Variants in PRKG1 observed in about 807,000 individuals in gnomAD.
PRKG1 encodes the protein cGMP-dependent protein kinase 1.
PRKG1 carries 35 observed loss-of-function variants against 88.1 expected under a neutral mutation model. That is an observed-to-expected ratio of 0.40 (90% CI 0.30 to 0.53). The LOEUF (loss-of-function observed/expected upper bound fraction) is 0.53, where lower values mean the gene tolerates loss of function less well. Among genes scored for constraint, PRKG1 ranks in the 20% least tolerant of loss-of-function variants. The pLI is 0.59. For missense variants in PRKG1, 540 were observed against 839.8 expected, an observed-to-expected ratio of 0.64 and a Z score of 4.41; for synonymous variants, 303 against 292.5, an observed-to-expected ratio of 1.04 and a Z score of -0.37.
chr10:51,887,460 G>A (rs1841600475), intron 4 of PRKG1, among the ~76,000 whole-genome samples: 1 of 130,414 alleles, frequency 7.7e-6, no homozygotes, highest in African/African-American at 2.8e-5. Context: ...TCATACAGTA[G>A]TTCTATTTTA....
rs1185249866 is a variant in PRKG1 at position 51,589,429 on chromosome 10, A to C, written c.592+121593A>C. 1.3e-4 allele frequency among the ~76,000 whole-genome samples: 20 copies of C among 152,068 alleles called. 1 individual carries two copies. The highest frequency in any genetic ancestry group is 1.3e-3 in the Admixed American group (20 of 15,272). ...ACCTGAGGTCAGGTTTTTGAGACCA[A>C]CCTAGCCAATATCATGAAACCCCGT... is the stretch of plus-strand genomic sequence containing the variant. On this transcript the variant is annotated intron_variant, in intron 3 of 17. Coordinates refer to ENST00000373980, the MANE Select transcript of PRKG1 (RefSeq NM_006258.4).
intron 2 of PRKG1, among the ~76,000 whole-genome samples, chr10:51,234,807 A>G (rs753478820): frequency 6.6e-6 from 1 of 152,210 alleles, no homozygotes; most frequent in African/African-American, 2.4e-5. Flanking sequence ...AAGAAAAAAA[A>G]TAAAAATATT....
At chr10:51,120,640 T>G (rs929229180) in intron 1 of PRKG1, among the ~76,000 whole-genome samples, 1 of 152,182 alleles carries the variant, frequency 6.6e-6, no homozygotes, top group Non-Finnish European at 1.5e-5. Flanking sequence ...TATAATGGAC[T>G]TGGTATACTT....
At chr10:52,273,241 T>G (rs1316679765) in intron 12 of PRKG1, among the ~76,000 whole-genome samples, 1 of 152,108 alleles carries the variant, frequency 6.6e-6, no homozygotes, top group Admixed American at 6.6e-5. Context: ...ATCTACCCTG[T>G]GTTTTTTTAA....
intron 2 of PRKG1, among the ~76,000 whole-genome samples, chr10:51,234,807 A>T (rs753478820): frequency 3.9e-5 from 6 of 152,210 alleles, no homozygotes; most frequent in Non-Finnish European, 7.3e-5. Flanking sequence ...AAGAAAAAAA[A>T]TAAAAATATT....
chr10:51,887,985 A>G lies in PRKG1; in HGVS notation c.699-19522A>G, dbSNP rs558344501. ...ACATAGTACCTACAGTTAATAATAC[A>G]GTATTGTGTTTATTAAAATATAAGA... On this transcript the variant is annotated intron_variant, in intron 4 of 17. Transcript: ENST00000373980. 2.6e-5 allele frequency among the ~76,000 whole-genome samples: 4 copies of G among 152,354 alleles called. No individual in the cohort carries two copies. In the South Asian group the frequency reaches 8.3e-4, roughly 32 times the overall value.
intron 1 of PRKG1, among the ~76,000 whole-genome samples, chr10:51,136,682 C>G (rs1340033607): frequency 6.6e-6 from 1 of 151,740 alleles, no homozygotes; most frequent in Non-Finnish European, 1.5e-5. Flanking sequence ...AAGCAAAGTC[C>G]TAGTAAGCTC....
intron 5 of PRKG1, among the ~76,000 whole-genome samples, chr10:51,994,566 C>T (rs1844389806): frequency 1.3e-5 from 2 of 152,150 alleles, no homozygotes; most frequent in African/African-American, 2.4e-5. Context: ...GCTGGTAGCT[C>T]AGGTGTGAGA....
At position 51,757,594 on chromosome 10, in the gene PRKG1, T is replaced by C. The variant is rs376491901; in HGVS notation, c.593-46991T>C. On this transcript the variant is annotated intron_variant, in intron 3 of 17. Transcript: ENST00000373980. ...TAATGTAGAGTTGAGTTGTCCAATA[T>C]GGTAGCAGCTAGCCACAAGTGGTTA... Among the ~76,000 whole-genome samples, 21 of 152,318 alleles carry C rather than the reference T, an allele frequency of 1.4e-4. No individual in the cohort carries two copies. The East Asian group carries it at 4.1e-3, about 29-fold the overall frequency.
chr10:51,669,182 C>CT (rs1227050992), intron 3 of PRKG1, among the ~76,000 whole-genome samples: 2 of 152,204 alleles, frequency 1.3e-5, no homozygotes, highest in African/African-American at 4.8e-5. Context: ...GACTGGGCGA[C>CT]TTAAACAACA....
At chr10:51,162,487 T>C (rs1429238148) in intron 2 of PRKG1, among the ~76,000 whole-genome samples, 1 of 152,238 alleles carries the variant, frequency 6.6e-6, no homozygotes. Flanking sequence ...TTTAGAATTA[T>C]GGTGGATGAC....
chr10:51,665,380 T>G (rs990977101), intron 3 of PRKG1, among the ~76,000 whole-genome samples: 2 of 152,152 alleles, frequency 1.3e-5, no homozygotes, highest in African/African-American at 4.8e-5. Context: ...ATTTCAAAAA[T>G]CCGTCTTAGT....
chr10:51,074,007 AAC>A (rs1843878398), upstream of PRKG1, among the ~76,000 whole-genome samples: 3 of 152,046 alleles, frequency 2.0e-5, no homozygotes, highest in Admixed American at 2.0e-4. Flanking sequence ...ATCGTAGCTC[AAC>A]ATTCTCCAGG....
At chr10:52,022,741 A>T (rs1178415594) in intron 5 of PRKG1, among the ~76,000 whole-genome samples, 1 of 152,196 alleles carries the variant, frequency 6.6e-6, no homozygotes, top group African/African-American at 2.4e-5. Context: ...CAAGAGAAAG[A>T]GGGGTATTTG....
chr10:51,491,584 A>G (rs2132871761), intron 3 of PRKG1, among the ~76,000 whole-genome samples: 1 of 152,212 alleles, frequency 6.6e-6, no homozygotes, highest in South Asian at 2.1e-4. Flanking sequence ...TATAACCACT[A>G]CTTGGATCTC....
At chr10:52,042,554 C>G (rs1482890513) in intron 5 of PRKG1, among the ~76,000 whole-genome samples, 2 of 152,062 alleles carry the variant, frequency 1.3e-5, no homozygotes, top group Admixed American at 1.3e-4. Context: ...CTATCTCTCA[C>G]CATATGCAAA....
At chr10:51,165,383 G>T (rs1241763802) in intron 2 of PRKG1, among the ~76,000 whole-genome samples, 1 of 151,914 alleles carries the variant, frequency 6.6e-6, no homozygotes, top group African/African-American at 2.4e-5. Flanking sequence ...TGCCCTAAAA[G>T]AGCTCCTGAA....
chr10:51,740,503 T>C (rs1054231333), intron 3 of PRKG1, among the ~76,000 whole-genome samples: 8 of 152,220 alleles, frequency 5.3e-5, no homozygotes, highest in African/African-American at 1.9e-4. Context: ...TATTTTATGC[T>C]TTGCAAATCA....
intron 7 of PRKG1, among the ~76,000 whole-genome samples, chr10:52,112,126 CTTCTATCACTACAAACAGA>C (rs1847579432): frequency 6.6e-6 from 1 of 152,104 alleles, no homozygotes; most frequent in Admixed American, 6.6e-5. Context: ...AATAATCTTC[CTTCTATCACTACAAACAGA>C]TTCTATCAGT....
Sources: allele counts gnomAD v4.1 joint callset (sites outside exome capture counted in the v4.1 genomes callset), GRCh38; gene constraint gnomAD v4.1.1; transcripts MANE v1.5; gene names NCBI Gene and HGNC (gene_info 2026-07-23, HGNC 2026-07-21).